Variants in ANK2 observed in about 807,000 individuals in gnomAD.
ANK2 encodes the protein ankyrin-2.
A neutral mutation model predicts 360.5 loss-of-function variants in ANK2; 83 were observed. The observed-to-expected ratio is 0.23, with a 90% CI of 0.19 to 0.28. The LOEUF is 0.28. Among genes scored for constraint, ANK2 ranks in the 10% least tolerant of loss-of-function variants. The probability of loss-of-function intolerance (pLI) is 1.00; values close to 1 mark genes in which losing one functional copy is unlikely to be tolerated. For missense variants in ANK2, 4,201 were observed against 4,795.7 expected (o/e 0.88, Z 3.66); for synonymous variants, 1,740 against 1,759.5 (o/e 0.99, Z 0.28).
chr4:112,967,218 C>T (rs767148750), intron 2 of ANK2, among the ~76,000 whole-genome samples: 7 of 152,234 alleles, frequency 4.6e-5, no homozygotes, highest in African/African-American at 1.7e-4. Flanking sequence ...TGTATATGAT[C>T]TTGGCTCCCC....
chr4:113,166,445 G>GTA lies in ANK2; in HGVS notation c.85-7959_85-7958dup, dbSNP rs778933953. On this transcript the variant is annotated intron_variant, in intron 1 of 45. Transcript: ENST00000357077. ...CTCATATAAGTGTGTATGTATATAT[G>GTA]TATATATATATATGCATACATACAT... Among the ~76,000 whole-genome samples the GTA allele has an allele frequency of 9.3e-4, 141 of 150,830 alleles. 1 individual carries two copies. In the East Asian group the frequency reaches 0.02, roughly 22 times the overall value.
At chr4:112,945,251 T>G (rs941221293) in intron 2 of ANK2, among the ~76,000 whole-genome samples, 2 of 152,202 alleles carry the variant, frequency 1.3e-5, no homozygotes, top group South Asian at 4.1e-4. Flanking sequence ...CATGTTACTT[T>G]GGCTCACATT....
chr4:113,239,196 A>G (rs1328760625), intron 7 of ANK2, among the ~76,000 whole-genome samples: 1 of 152,148 alleles, frequency 6.6e-6, no homozygotes, highest in Non-Finnish European at 1.5e-5. Flanking sequence ...TTGATCATAG[A>G]TAGGGGATTT....
At chr4:112,804,759 C>T in the ANK2 span, among the ~76,000 whole-genome samples, 1 of 151,898 alleles carries the variant, frequency 6.6e-6, no homozygotes, top group Non-Finnish European at 1.5e-5. Flanking sequence ...GTTCAAGACT[C>T]ATCTCGGCAA....
At position 113,066,224 on chromosome 4, in the gene ANK2, C is replaced by T. The variant is rs73843312; in HGVS notation, c.84+16412C>T. ...CAAAACACACAGGCGTGCACGTGAG[C>T]GTGCTCTTAGGCCTCTTACAGTTTT... On this transcript the variant is annotated intron_variant, in intron 1 of 45. Transcript: ENST00000357077. 3.9e-3 allele frequency among the ~76,000 whole-genome samples: 592 copies of T among 152,262 alleles called. 9 individuals are homozygous for T. The highest frequency in any genetic ancestry group is 0.014 in the African/African-American group (561 of 41,542).
intron 1 of ANK2, among the ~76,000 whole-genome samples, chr4:113,114,301 A>G (rs775727450): frequency 2.6e-5 from 4 of 152,166 alleles, no homozygotes; most frequent in Non-Finnish European, 5.9e-5. Context: ...GTCCTCATCT[A>G]TAAAAACATG....
chr4:112,806,283 A>G, the ANK2 span, among the ~76,000 whole-genome samples: 5 of 152,262 alleles, frequency 3.3e-5, no homozygotes, highest in East Asian at 9.6e-4. Flanking sequence ...CCTCCCACGT[A>G]TGAATGAGAA....
intron 9 of ANK2, among the ~76,000 whole-genome samples, chr4:113,248,767 ATCT>A (rs1408878366): frequency 6.6e-6 from 1 of 152,206 alleles, no homozygotes; most frequent in Non-Finnish European, 1.5e-5. Context: ...AACTGCTGAA[ATCT>A]TCTTAATTGC....
In ANK2 at chr4:113,354,835, A is replaced by T. The variant is rs749398563; in HGVS notation, c.6217A>T (p.Ile2073Leu). Residue 2073 changes from isoleucine (I) to leucine (L), a missense_variant, in exon 38 of 46, where the codon ATA becomes TTA. This residue lies in a region of ANK2 where 2,642 missense variants were observed against 2,714.5 expected (regional missense o/e 0.97). Coordinates refer to ENST00000357077, the MANE Select transcript of ANK2 (RefSeq NM_001148.6). ...ESKRGVRVSS[I>L]GVKKEDAAGG... is the part of the protein sequence containing the mutation. ...CAAAAGAGGAGTTCGTGTTTCCTCC[A>T]TAGGAGTTAAGAAAGAAGATGCAGC... The T allele has an allele frequency of 1.9e-6, 3 of 1,614,040 alleles. No homozygotes were observed. The highest frequency in any genetic ancestry group is 1.3e-5 in the African/African-American group (1 of 74,932).
At chr4:113,233,918 A>G (rs2099350487) in intron 5 of ANK2, among the ~76,000 whole-genome samples, 3 of 152,182 alleles carry the variant, frequency 2.0e-5, no homozygotes, top group African/African-American at 4.8e-5. Context: ...AGTTCTGTCC[A>G]TGATTACCAT....
chr4:113,269,401 G>T (rs574284943), intron 14 of ANK2, among the ~76,000 whole-genome samples: 44 of 152,382 alleles, frequency 2.9e-4, no homozygotes, highest in African/African-American at 1.0e-3. Context: ...GGGCCCTGGT[G>T]ATGTAGGCAC....
chr4:113,311,764 C>T (rs2080093008), intron 24 of ANK2, among the ~76,000 whole-genome samples: 1 of 152,188 alleles, frequency 6.6e-6, no homozygotes, highest in African/African-American at 2.4e-5. Flanking sequence ...GCATCACAGA[C>T]ACTTTGGATA....
intron 14 of ANK2, among the ~76,000 whole-genome samples, chr4:113,274,106 T>A (rs375009950): frequency 5.4e-4 from 82 of 152,288 alleles, no homozygotes; most frequent in African/African-American, 1.9e-3. Flanking sequence ...AGAATATAGG[T>A]CCTAGGACTT....
At position 113,243,681 on chromosome 4, in the gene ANK2, T is replaced by C. The variant is rs544641630; in HGVS notation, c.891+1472T>C. Reference sequence around the variant, plus strand: ...AGAATTTGGAACAGTATGCGTTATGTTGCATGGTTTGCTTACTTATTCTTT... The same window carrying C: ...AGAATTTGGAACAGTATGCGTTATGCTGCATGGTTTGCTTACTTATTCTTT... On this transcript the variant is annotated intron_variant, in intron 9 of 45. Coordinates refer to ENST00000357077, the MANE Select transcript of ANK2 (RefSeq NM_001148.6). Among the ~76,000 whole-genome samples, 10 of 152,344 alleles carry C rather than the reference T, an allele frequency of 6.6e-5. No homozygotes were observed. In the East Asian group the frequency reaches 1.9e-3, roughly 29 times the overall value.
chr4:112,727,893 C>T, the ANK2 span, among the ~76,000 whole-genome samples: 1 of 152,054 alleles, frequency 6.6e-6, no homozygotes, highest in Non-Finnish European at 1.5e-5. Context: ...GGCAGAATTG[C>T]TTGCACGCGG....
chr4:113,058,751 G>C (rs1049319480), intron 1 of ANK2, among the ~76,000 whole-genome samples: 1 of 152,098 alleles, frequency 6.6e-6, no homozygotes, highest in African/African-American at 2.4e-5. Flanking sequence ...AAAGAAATTA[G>C]AATAAGTATA....
chr4:112,882,714 A>T (rs183268734), intron 1 of ANK2, among the ~76,000 whole-genome samples: 3,281 of 148,410 alleles, frequency 0.022, 121 homozygotes, highest in Admixed American at 0.094. Context: ...TTTTTTTTTT[A>T]AAATGAAGCA....
chr4:113,336,377 CAG>C (rs924815399), intron 30 of ANK2, 198 bp from the exon 31 acceptor site: 10 of 599,978 alleles, frequency 1.7e-5, no homozygotes, highest in Non-Finnish European at 2.8e-5. Flanking sequence ...GAGCTGCCAT[CAG>C]AGATCGTGGA....
chr4:112,810,421 C>G, the ANK2 span, among the ~76,000 whole-genome samples: 1 of 151,914 alleles, frequency 6.6e-6, no homozygotes, highest in Non-Finnish European at 1.5e-5. Flanking sequence ...TCTGTTGGCC[C>G]CAGTGTGTTT....
Sources: gnomAD v4.1 joint callset for allele counts (sites outside exome capture counted in the v4.1 genomes callset) on GRCh38, gnomAD v4.1.1 for gene constraint, gnomAD v4.1.1 regional missense constraint, MANE v1.5 for transcripts, NCBI Gene and HGNC (gene_info 2026-07-23, HGNC 2026-07-21) for gene names.